The following NELL1 variants were observed in gnomAD, a reference collection of about 807,000 sequenced individuals.
NELL1 encodes the protein neural EGFL like 1.
In NELL1, 76 loss-of-function variants were observed where a neutral mutation model predicts 107.4. The observed-to-expected ratio is 0.71, with a 90% CI of 0.59 to 0.86. The LOEUF is 0.86. Ranked by LOEUF, NELL1 falls within the 40% of genes least tolerant of loss-of-function variation. The probability of loss-of-function intolerance (pLI) is 0.00; values close to 1 mark genes in which losing one functional copy is unlikely to be tolerated. For synonymous variants in NELL1, 353 were observed against 341.2 expected (o/e 1.03, Z -0.38); for missense variants, 1,024 against 1,005.5 (o/e 1.02, Z -0.25).
chr11:21,419,413 C>A (rs1405054337), intron 15 of NELL1, among the ~76,000 whole-genome samples: 1 of 152,060 alleles, frequency 6.6e-6, no homozygotes, highest in Non-Finnish European at 1.5e-5. Flanking sequence ...CTAGCCTGCA[C>A]ATTAGGAAAA....
chr11:20,753,563 T>G (rs1005130883), intron 2 of NELL1, among the ~76,000 whole-genome samples: 1 of 151,638 alleles, frequency 6.6e-6, no homozygotes, highest in Non-Finnish European at 1.5e-5. Flanking sequence ...TAGGTGCCGG[T>G]CTCCTTCATT....
At chr11:20,722,287 C>G (rs560564516) in intron 2 of NELL1, among the ~76,000 whole-genome samples, 22 of 152,286 alleles carry the variant, frequency 1.4e-4, no homozygotes, top group Non-Finnish European at 2.1e-4. Flanking sequence ...TTCCAAAGTG[C>G]TGGGATTACA....
Position 21,060,032 on chromosome 11 carries a change from C to A in NELL1, c.1301-53557C>A, listed in dbSNP as rs114415413. On this transcript the variant is annotated intron_variant, in intron 12 of 19. Coordinates refer to ENST00000357134, the MANE Select transcript of NELL1 (RefSeq NM_006157.5). ...CCAGCACACTAGCCATAGTAGCGTGCCTTATGCTAATGAACCACATGGGGT... is the reference window on the plus strand; with the variant it reads ...CCAGCACACTAGCCATAGTAGCGTGACTTATGCTAATGAACCACATGGGGT... Among the ~76,000 whole-genome samples the A allele has an allele frequency of 9.7e-3, 1,478 of 152,208 alleles. 20 individuals carry two copies. Among genetic ancestry groups the A allele is most frequent in the African/African-American group, 0.034 (1,413 of 41,530 alleles).
chr11:20,984,836 G>A (rs1003735806), intron 12 of NELL1, among the ~76,000 whole-genome samples: 4 of 152,072 alleles, frequency 2.6e-5, no homozygotes, highest in Non-Finnish European at 5.9e-5. Flanking sequence ...CGCTTTGGTC[G>A]CTAAGACTAG....
intron 3 of NELL1, among the ~76,000 whole-genome samples, chr11:20,794,138 A>G (rs1168024814): frequency 6.6e-6 from 1 of 152,198 alleles, no homozygotes; most frequent in African/African-American, 2.4e-5. Flanking sequence ...TTTAAGGGTC[A>G]GGCTGAAAAT....
At chr11:20,788,801 G>T (rs1857019566) in intron 3 of NELL1, among the ~76,000 whole-genome samples, 1 of 150,412 alleles carries the variant, frequency 6.6e-6, no homozygotes, top group African/African-American at 2.4e-5. Context: ...AAGTTTTATA[G>T]GTTTAGCTCT....
chr11:21,160,759 A>G (rs1269210545), intron 13 of NELL1, among the ~76,000 whole-genome samples: 1 of 152,224 alleles, frequency 6.6e-6, no homozygotes, highest in Non-Finnish European at 1.5e-5. Flanking sequence ...ATGGAAACAA[A>G]GGAAACTTAT....
At chr11:21,440,563 T>C (rs902094528) in intron 15 of NELL1, among the ~76,000 whole-genome samples, 2 of 152,182 alleles carry the variant, frequency 1.3e-5, no homozygotes, top group African/African-American at 4.8e-5. Flanking sequence ...AGTGCAGGCT[T>C]ATCAATCAGT....
At chr11:20,767,951 TA>T (rs1395960069) in intron 2 of NELL1, among the ~76,000 whole-genome samples, 2 of 152,144 alleles carry the variant, frequency 1.3e-5, no homozygotes, top group Non-Finnish European at 2.9e-5. Flanking sequence ...ATAAGAGCTA[TA>T]CTGGAGAGAG....
intron 9 of NELL1, among the ~76,000 whole-genome samples, chr11:20,934,775 G>T (rs1482546186): frequency 6.6e-6 from 1 of 152,232 alleles, no homozygotes; most frequent in Non-Finnish European, 1.5e-5. Context: ...AGGAATTCCA[G>T]ACCTTGGAGG....
At chr11:20,985,448 G>A (rs1590501333) in intron 12 of NELL1, among the ~76,000 whole-genome samples, 1 of 152,164 alleles carries the variant, frequency 6.6e-6, no homozygotes, top group Admixed American at 6.5e-5. Flanking sequence ...ATGATATACA[G>A]TTATGGAAAA....
chr11:21,528,882 A>C (rs1188600844), intron 15 of NELL1, among the ~76,000 whole-genome samples: 1 of 152,064 alleles, frequency 6.6e-6, no homozygotes, highest in Non-Finnish European at 1.5e-5. Context: ...TTAGCTGCCT[A>C]CGTAATCTGT....
At chr11:20,994,573 A>G (rs1852048300) in intron 12 of NELL1, among the ~76,000 whole-genome samples, 1 of 152,214 alleles carries the variant, frequency 6.6e-6, no homozygotes, top group East Asian at 1.9e-4. Context: ...AAAATGTAAA[A>G]CCAAGGAGTG....
intron 14 of NELL1, among the ~76,000 whole-genome samples, chr11:21,241,978 C>T (rs1858374099): frequency 6.7e-6 from 1 of 150,146 alleles, no homozygotes; most frequent in Admixed American, 6.7e-5. Flanking sequence ...TGTGTTACAC[C>T]TTGTCCTGTG....
intron 16 of NELL1, among the ~76,000 whole-genome samples, chr11:21,542,566 A>T (rs756276463): frequency 1.5e-4 from 23 of 152,004 alleles, no homozygotes; most frequent in Non-Finnish European, 3.1e-4. Flanking sequence ...ACTACGCGAC[A>T]TGTTTTTGAC....
At chr11:21,444,059 A>G (rs940332703) in intron 15 of NELL1, among the ~76,000 whole-genome samples, 1 of 152,138 alleles carries the variant, frequency 6.6e-6, no homozygotes, top group Admixed American at 6.6e-5. Context: ...TATGTATACA[A>G]ACTCCTCTCA....
intron 14 of NELL1, among the ~76,000 whole-genome samples, chr11:21,290,404 TAAATAA>T: frequency 6.8e-6 from 1 of 147,064 alleles, no homozygotes; most frequent in Non-Finnish European, 1.5e-5. Flanking sequence ...AATAGATAAA[TAAATAA>T]ATAAATAAAT....
In NELL1 at chr11:21,304,374, G is replaced by C. The variant is rs893911781; in HGVS notation, c.1550-66479G>C. Among the ~76,000 whole-genome samples, 3 of 152,094 alleles carry C rather than the reference G, an allele frequency of 2.0e-5. No individual in the cohort carries two copies. The South Asian group carries it at 6.2e-4, about 32-fold the overall frequency. On this transcript the variant is annotated intron_variant, in intron 14 of 19. Transcript: ENST00000357134. ...GGAATTGTTACTTTCTCAGGAGTCA[G>C]AGACAGGGCTTGAACCCTGGTCCCT...
At chr11:21,351,170 C>A (rs1382866467) in intron 14 of NELL1, among the ~76,000 whole-genome samples, 1 of 152,082 alleles carries the variant, frequency 6.6e-6, no homozygotes, top group Non-Finnish European at 1.5e-5. Flanking sequence ...CTGCTAGCAG[C>A]CACCAGAAGC....
Sources: gnomAD v4.1 joint callset for allele counts (sites outside exome capture counted in the v4.1 genomes callset) on GRCh38, gnomAD v4.1.1 for gene constraint, MANE v1.5 for transcripts, NCBI Gene and HGNC (gene_info 2026-07-23, HGNC 2026-07-21) for gene names.